Variants in SAXO1 observed in about 807,000 individuals in gnomAD.
SAXO1 encodes the protein 4930500O09Rik.
Under a neutral mutation model 17.5 loss-of-function variants are expected in SAXO1, and 21 were observed. The observed-to-expected ratio is 1.20, with a 90% CI of 0.85 to 1.72. The LOEUF (loss-of-function observed/expected upper bound fraction) is 1.72. SAXO1 is among the 40% of genes most tolerant of loss of function. SAXO1 has a pLI of 0.00. For missense variants in SAXO1, 843 were observed against 596.0 expected, an observed-to-expected ratio of 1.41 and a Z score of -4.32; for synonymous variants, 274 against 216.5, an observed-to-expected ratio of 1.27 and a Z score of -2.33.
rs533253408 is a variant in SAXO1, at chr9:18,981,212, T to TGGAAAGAAG, written c.39-30284_39-30276dup. Reference sequence around the variant, plus strand: ...TTGCGATAATTAAATACCTTGTTAATGGAAAGAAGGGAAAGAAAGGAAGAG... The same window carrying TGGAAAGAAG: ...TTGCGATAATTAAATACCTTGTTAATGGAAAGAAGGGAAAGAAGGGAAAGAAAGGAAGAG... On this transcript the variant is annotated intron_variant, in intron 1 of 3. Transcript: ENST00000380534. Among the ~76,000 whole-genome samples the TGGAAAGAAG allele has an allele frequency of 4.6e-4, 70 of 152,306 alleles. No individual in the cohort carries two copies. In the East Asian group the frequency reaches 0.013, roughly 29 times the overall value.
intron 1 of SAXO1, among the ~76,000 whole-genome samples, chr9:19,020,598 A>T (rs1393253188): frequency 6.6e-6 from 1 of 152,128 alleles, no homozygotes; most frequent in African/African-American, 2.4e-5. Flanking sequence ...GGCTCAAGTG[A>T]TTTGCCCACC....
At chr9:18,994,952 C>T (rs1193050938) in intron 1 of SAXO1, among the ~76,000 whole-genome samples, 1 of 152,168 alleles carries the variant, frequency 6.6e-6, no homozygotes, top group African/African-American at 2.4e-5. Flanking sequence ...AAGAAAAGCT[C>T]CTTGTGCAAT....
chr9:19,002,096 C>T (rs994630877), intron 1 of SAXO1, among the ~76,000 whole-genome samples: 4 of 152,110 alleles, frequency 2.6e-5, no homozygotes, highest in African/African-American at 7.2e-5. Context: ...TACAAACTAC[C>T]ATCAGAGAAT....
At chr9:19,039,477 T>C (rs1200665581) in intron 1 of SAXO1, among the ~76,000 whole-genome samples, 1 of 152,254 alleles carries the variant, frequency 6.6e-6, no homozygotes, top group Non-Finnish European at 1.5e-5. Flanking sequence ...GTACATCTAC[T>C]GTACTTCGTC....
intron 2 of SAXO1, among the ~76,000 whole-genome samples, chr9:18,942,353 G>A (rs781749589): frequency 2.0e-4 from 30 of 151,878 alleles, no homozygotes; most frequent in Non-Finnish European, 4.0e-4. Context: ...TGTCTCTCAC[G>A]ATCCCCACCC....
At chr9:18,973,306 A>G (rs999148232) in intron 1 of SAXO1, among the ~76,000 whole-genome samples, 20 of 152,244 alleles carry the variant, frequency 1.3e-4, no homozygotes, top group African/African-American at 4.8e-4. Context: ...ACTACTATAG[A>G]AGAATCATCT....
At position 19,033,088 on chromosome 9, in the gene SAXO1, G is replaced by T. The variant is rs1835839934; in HGVS notation, c.-180C>A. Reference sequence around the variant, plus strand: ...TGTCCTGTCGTCTGTTGCCCTCCTGGAGCTGGCCTAGCGCGAGGTAGCAGC... The same window carrying T: ...TGTCCTGTCGTCTGTTGCCCTCCTGTAGCTGGCCTAGCGCGAGGTAGCAGC... On this transcript the variant is annotated 5_prime_UTR_variant, in exon 1 of 4. Coordinates refer to ENST00000380534, the MANE Select transcript of SAXO1 (RefSeq NM_153707.4). 8 of 594,512 alleles carry T rather than the reference G, an allele frequency of 1.3e-5. No homozygotes were observed. The highest frequency in any genetic ancestry group is 2.2e-5 in the Non-Finnish European group (8 of 363,812). The allele number at this position is 594,512 out of a possible 1,614,324, so 36.8% of individuals were successfully genotyped here.
chr9:18,990,818 C>T (rs10811078), intron 1 of SAXO1, among the ~76,000 whole-genome samples: 85,161 of 152,060 alleles, frequency 0.56, 24,325 homozygotes, highest in Non-Finnish European at 0.63. Flanking sequence ...CTTATGAGAA[C>T]CTAATGCCTG....
chr9:19,018,351 G>T (rs1305246081), intron 1 of SAXO1, among the ~76,000 whole-genome samples: 2 of 152,188 alleles, frequency 1.3e-5, no homozygotes, highest in African/African-American at 2.4e-5. Flanking sequence ...CTTGATTCAT[G>T]TAAGTGTCAG....
intron 1 of SAXO1, among the ~76,000 whole-genome samples, chr9:19,018,167 C>CA (rs879664616): frequency 0.018 from 2,322 of 130,656 alleles, 27 homozygotes; most frequent in Middle Eastern, 0.043. Flanking sequence ...GACCCCATCT[C>CA]AAAAAAAAAA....
intron 1 of SAXO1, among the ~76,000 whole-genome samples, chr9:18,992,736 G>A (rs962391907): frequency 3.9e-5 from 6 of 151,926 alleles, no homozygotes; most frequent in South Asian, 2.1e-4. Flanking sequence ...AGATGACTAC[G>A]ATCTCATGAG....
At position 19,045,316 on chromosome 9, in the gene SAXO1, C is replaced by CAAA. The variant is rs575855900; in HGVS notation, c.-158+3890_-158+3892dup. On this transcript the variant is annotated intron_variant, in intron 1 of 3. Coordinates refer to the SAXO1 transcript ENST00000542071. ...TGGGCGACAGAGCGAGACTCCGTCT[C>CAAA]AAAAAAAAAAAAAAAAAAAAAAAAA... Among the ~76,000 whole-genome samples the CAAA allele has an allele frequency of 1.9e-3, 172 of 89,320 alleles. 1 individual carries two copies. Among genetic ancestry groups the CAAA allele is most frequent in the East Asian group, 0.012 (23 of 1,892 alleles). The allele number at this position is 89,320 out of a possible 152,430, so 58.6% of individuals were successfully genotyped here.
rs531026017 is a variant in SAXO1, at chr9:19,033,169, G to A, written c.-261C>T. On this transcript the variant is annotated 5_prime_UTR_variant, in exon 1 of 4. Transcript: ENST00000380534. Reference sequence around the variant, plus strand: ...ACCTCACCCTGCACGCCACCGCCCCGGCCTCCGCAGTCCAGACTTAAGCAC... The same window carrying A: ...ACCTCACCCTGCACGCCACCGCCCCAGCCTCCGCAGTCCAGACTTAAGCAC... The A allele has an allele frequency of 1.9e-4, 82 of 421,786 alleles. No homozygotes were observed. The highest frequency in any genetic ancestry group is 9.2e-4 in the African/African-American group (45 of 49,044). The allele number at this position is 421,786 out of a possible 1,614,324, so 26.1% of individuals were successfully genotyped here.
At chr9:18,988,726 T>C (rs1291212292) in intron 1 of SAXO1, among the ~76,000 whole-genome samples, 1 of 152,234 alleles carries the variant, frequency 6.6e-6, no homozygotes, top group African/African-American at 2.4e-5. Context: ...TGTAAATTGC[T>C]GTATCTTTAC....
At chr9:19,046,514 G>A (rs1836220106) in intron 1 of SAXO1, among the ~76,000 whole-genome samples, 1 of 151,854 alleles carries the variant, frequency 6.6e-6, no homozygotes. Flanking sequence ...TGACCAACAT[G>A]GAGAAAGGAG....
At chr9:18,980,564 G>A (rs56383334) in intron 1 of SAXO1, among the ~76,000 whole-genome samples, 76,434 of 106,168 alleles carry the variant, frequency 0.72, 28,295 homozygotes, top group Non-Finnish European at 0.76. Flanking sequence ...AGGAAGAAGA[G>A]GAGGAGGAGG....
intron 1 of SAXO1, among the ~76,000 whole-genome samples, chr9:18,956,445 C>T (rs566539813): frequency 1.3e-5 from 2 of 152,240 alleles, no homozygotes; most frequent in South Asian, 2.1e-4. Context: ...TTGTAGGATA[C>T]TTATGACTTG....
At chr9:18,981,459 C>G (rs1283648346) in intron 1 of SAXO1, among the ~76,000 whole-genome samples, 1 of 152,184 alleles carries the variant, frequency 6.6e-6, no homozygotes, top group Non-Finnish European at 1.5e-5. Flanking sequence ...TCCAGAGGGG[C>G]TCCCTGAGCA....
chr9:18,962,371 A>G (rs986135948), intron 1 of SAXO1, among the ~76,000 whole-genome samples: 20 of 152,190 alleles, frequency 1.3e-4, no homozygotes, highest in African/African-American at 4.6e-4. Flanking sequence ...CCCGGCTCTC[A>G]TTGGGGATTT....
Sources: gnomAD v4.1 joint callset for allele counts (sites outside exome capture counted in the v4.1 genomes callset) on GRCh38, gnomAD v4.1.1 for gene constraint, MANE v1.5 for transcripts, NCBI Gene and HGNC (gene_info 2026-07-23, HGNC 2026-07-21) for gene names.